A2M: variants seen among roughly 807,000 people sequenced by gnomAD.
A2M encodes alpha-2-macroglobulin, also known as C3 and PZP-like alpha-2-macroglobulin domain-containing protein 5.
Under a neutral mutation model 183.9 loss-of-function variants are expected in A2M, and 128 were observed. The ratio of observed to expected loss-of-function variants is 0.70; its 90% confidence interval spans 0.60 to 0.81. The LOEUF (loss-of-function observed/expected upper bound fraction) is 0.81, where lower values mean the gene tolerates loss of function less well. Ranked by LOEUF, A2M falls within the 30% of genes least tolerant of loss-of-function variation. The pLI, the probability that A2M is intolerant of heterozygous loss-of-function variation, is 0.00. For synonymous variants in A2M, 592 were observed against 670.8 expected, an observed-to-expected ratio of 0.88 and a Z score of 1.81; for missense variants, 1,495 against 1,787.6, an observed-to-expected ratio of 0.84 and a Z score of 2.95.
intron 22 of A2M, among the ~76,000 whole-genome samples, chr12:9,082,165 T>G (rs1262117542): frequency 6.6e-6 from 1 of 152,208 alleles, no homozygotes; most frequent in Non-Finnish European, 1.5e-5. Context: ...ATGGCTCCAT[T>G]CACAAGGGTG....
chr12:9,099,235 A>G lies in A2M; in HGVS notation c.1701+146T>C, dbSNP rs1008456655. On this transcript the variant is annotated intron_variant, in intron 14 of 35. Coordinates refer to ENST00000318602, the MANE Select transcript of A2M (RefSeq NM_000014.6). ...AAGGAATCAAGTGATTCTGCTTCTT[A>G]GTGTGACTCTGCCACTACCTTGCTG... 3 of 701,132 alleles carry G rather than the reference A, an allele frequency of 4.3e-6. No individual in the cohort carries two copies. In the African/African-American group the frequency reaches 5.4e-5, roughly 13 times the overall value. 43.4% of individuals were successfully genotyped at this position (701,132 alleles called of 1,614,324 possible).
chr12:9,081,810 A>G (rs1453878952), intron 22 of A2M, among the ~76,000 whole-genome samples: 1 of 152,218 alleles, frequency 6.6e-6, no homozygotes, highest in East Asian at 1.9e-4. Flanking sequence ...CACAGGAAGT[A>G]ATGAGGTCAG....
chr12:9,071,020 A>C (rs1274988047), intron 31 of A2M, among the ~76,000 whole-genome samples: 1 of 151,902 alleles, frequency 6.6e-6, no homozygotes, highest in Admixed American at 6.6e-5. Context: ...GGGTTTCTCC[A>C]TGTTGGTCAG....
rs371833942 is a variant in A2M at position 9,091,260 on chromosome 12, G to T, written c.2410C>A (p.Arg804Ser). 16 of 1,614,126 alleles carry T rather than the reference G, an allele frequency of 9.9e-6. No homozygotes were observed. In the African/African-American group the frequency reaches 2.1e-4, roughly 22 times the overall value. The change falls in exon 19 of 36, where the codon CGT (arginine) becomes AGT (serine). Residue 804 changes from arginine to serine, a missense_variant. Coordinates refer to ENST00000318602, the MANE Select transcript of A2M (RefSeq NM_000014.6). ...GCCTTGAGTGTGAAGGCCTCTCCAC[G>T]AATCACAGAGTAAGGCATTGTGAGC... ...VELTMPYSVI[R>S]GEAFTLKATV...
intron 21 of A2M, among the ~76,000 whole-genome samples, chr12:9,089,694 T>A (rs1208487894): frequency 2.0e-5 from 3 of 152,068 alleles, no homozygotes; most frequent in East Asian, 3.9e-4. Flanking sequence ...TGAGCAGAGA[T>A]CCTGCCACTG....
intron 22 of A2M, among the ~76,000 whole-genome samples, chr12:9,088,429 T>C (rs1291761693): frequency 6.6e-6 from 1 of 152,136 alleles, no homozygotes; most frequent in Non-Finnish European, 1.5e-5. Flanking sequence ...GATTGAATGA[T>C]AGGTAATCAG....
intron 22 of A2M, 81 bp downstream of exon 22, chr12:9,089,119 T>C: frequency 9.0e-7 from 1 of 1,106,318 alleles, no homozygotes; most frequent in Non-Finnish European, 1.3e-6. Context: ...ACAGAGAAAG[T>C]GTAGGAATAA....
chr12:9,095,387 G>T (rs117922502), intron 16 of A2M, among the ~76,000 whole-genome samples, 152 bp downstream of exon 16: 1 of 152,028 alleles, frequency 6.6e-6, no homozygotes, highest in Non-Finnish European at 1.5e-5. Flanking sequence ...GCAGCTTTTC[G>T]CAGATCTGCT....
At chr12:9,097,658 A>G in intron 15 of A2M, among the ~76,000 whole-genome samples, 1 of 114,550 alleles carries the variant, frequency 8.7e-6, no homozygotes. Context: ...TTTTGACACC[A>G]AGTCTTGCTC....
At chr12:9,079,858 A>G (rs1293586321) in intron 23 of A2M, 43 bp from the exon 24 acceptor site, 3 of 1,475,638 alleles carry the variant, frequency 2.0e-6, no homozygotes, top group East Asian at 2.3e-5. Flanking sequence ...CTTGGAGATT[A>G]TCATCTATCA....
At chr12:9,107,380 A>G in intron 8 of A2M, 144 bp downstream of exon 8, 1 of 1,007,612 alleles carries the variant, frequency 9.9e-7, no homozygotes. Context: ...TGCTAAGTTC[A>G]TGATTTTTTT....
At chr12:9,101,815 C>A in intron 11 of A2M, 141 bp from the exon 12 acceptor site, 1 of 701,318 alleles carries the variant, frequency 1.4e-6, no homozygotes, top group South Asian at 2.2e-5. Flanking sequence ...GGGAGAAGGA[C>A]CCCTGATTTT....
chr12:9,110,286 T>C (rs2137959637), intron 5 of A2M, 28 bp downstream of exon 5: 1 of 1,452,920 alleles, frequency 6.9e-7, no homozygotes, highest in Non-Finnish European at 9.4e-7. Flanking sequence ...TGCTTTCCTT[T>C]TAATATGGAA....
chr12:9,103,896 G>A (rs1325081736), intron 11 of A2M, among the ~76,000 whole-genome samples: 1 of 152,154 alleles, frequency 6.6e-6, no homozygotes, highest in Admixed American at 6.5e-5. Context: ...AGCTCTTTGA[G>A]ACCCCGTTTT....
chr12:9,090,230 A>C, intron 20 of A2M, 126 bp downstream of exon 20: 1 of 1,486,134 alleles, frequency 6.7e-7, no homozygotes, highest in South Asian at 1.2e-5. Flanking sequence ...CTTAGAATAA[A>C]AGGCAAAGGA....
chr12:9,077,185 T>C (rs1455508364), intron 27 of A2M, among the ~76,000 whole-genome samples, 161 bp downstream of exon 27: 3 of 152,224 alleles, frequency 2.0e-5, no homozygotes, highest in African/African-American at 7.2e-5. Flanking sequence ...TAAACCTTTC[T>C]TAATGGGCTG....
At chr12:9,105,451 T>C (rs1281496630) in intron 10 of A2M, among the ~76,000 whole-genome samples, 1 of 152,242 alleles carries the variant, frequency 6.6e-6, no homozygotes, top group African/African-American at 2.4e-5. Flanking sequence ...TTCTAGAATG[T>C]ACTCCACTTT....
intron 15 of A2M, among the ~76,000 whole-genome samples, chr12:9,097,037 CTGAAAGCTTCTGCTTTATTATTAATAAA>C (rs1190386949): frequency 1.3e-5 from 2 of 152,170 alleles, no homozygotes; most frequent in Non-Finnish European, 2.9e-5. Flanking sequence ...TACTAAATCC[CTGAAAGCTTCTGCTTTATTATTAATAAA>C]TAGGACTGTC....
At chr12:9,107,458 T>C in intron 8 of A2M, 66 bp downstream of exon 8, 1 of 1,577,078 alleles carries the variant, frequency 6.3e-7, no homozygotes, top group Admixed American at 1.7e-5. Context: ...AGAAAAATGC[T>C]GCAACTCACT....
Sources: allele counts gnomAD v4.1 joint callset (sites outside exome capture counted in the v4.1 genomes callset), GRCh38; gene constraint gnomAD v4.1.1; transcripts MANE v1.5; gene names NCBI Gene and HGNC (gene_info 2026-07-23, HGNC 2026-07-21).